The following EIF2AK4 variants were observed in gnomAD, a reference collection of about 807,000 sequenced individuals.
EIF2AK4 encodes the protein eIF-2-alpha kinase GCN2.
In EIF2AK4, 139 loss-of-function variants were observed where a neutral mutation model predicts 211.1. The ratio of observed to expected loss-of-function variants is 0.66; its 90% CI spans 0.57 to 0.76. EIF2AK4 has a LOEUF of 0.76. Ranked by LOEUF, EIF2AK4 falls within the 30% of genes least tolerant of loss-of-function variation. EIF2AK4 has a pLI of 0.00. For missense variants in EIF2AK4, 1,664 were observed against 2,043.8 expected (o/e 0.81, Z 3.58); for synonymous variants, 710 against 751.3 (o/e 0.94, Z 0.90).
At chr15:40,009,105 TTTTGG>T (rs752435616) in intron 25 of EIF2AK4, among the ~76,000 whole-genome samples, 1 of 144,478 alleles carries the variant, frequency 6.9e-6, no homozygotes, top group African/African-American at 2.6e-5. Context: ...TTTTGTTTTG[TTTTGG>T]AGACAGTGTC....
chr15:40,021,970 G>T (rs1233587768), intron 31 of EIF2AK4: 2 of 152,336 alleles, frequency 1.3e-5, no homozygotes, highest in Admixed American at 1.3e-4. Flanking sequence ...TGACAGAACA[G>T]TGTCCTCTTC....
At chr15:39,944,367 T>C (rs1459308223) in intron 3 of EIF2AK4, among the ~76,000 whole-genome samples, 1 of 151,838 alleles carries the variant, frequency 6.6e-6, no homozygotes, top group Non-Finnish European at 1.5e-5. Flanking sequence ...GTATAACGCT[T>C]CTTTGCCCCA....
chr15:39,970,944 A>T (rs2140915034), intron 9 of EIF2AK4, among the ~76,000 whole-genome samples: 1 of 152,278 alleles, frequency 6.6e-6, no homozygotes, highest in African/African-American at 2.4e-5. Flanking sequence ...GCTGCAACAT[A>T]AAAAAAAGTT....
chr15:40,023,200 CTGA>C (rs2035417894), intron 32 of EIF2AK4, among the ~76,000 whole-genome samples: 5 of 152,212 alleles, frequency 3.3e-5, no homozygotes, highest in African/African-American at 9.7e-5. Context: ...GTTGTATCTG[CTGA>C]TAGGCATATC....
At chr15:39,965,915 C>T (rs765944323) in intron 8 of EIF2AK4, 72 bp downstream of exon 8, 48 of 1,566,112 alleles carry the variant, frequency 3.1e-5, no homozygotes, top group Non-Finnish European at 3.7e-5. Context: ...AACAAAATAG[C>T]CCTGCATTTG....
intron 20 of EIF2AK4, 102 bp downstream of exon 20, chr15:39,998,886 G>A: frequency 1.0e-6 from 1 of 976,060 alleles, no homozygotes; most frequent in Non-Finnish European, 1.5e-6. Flanking sequence ...ATTCTCTTGT[G>A]TCCTGGGAAC....
chr15:39,942,029 A>G lies in EIF2AK4; in HGVS notation c.258-1354A>G, dbSNP rs150782653. The stretch of plus-strand genomic sequence containing the variant: ...TGAATTATATAGCAAGGAAATAAAG[A>G]GAACATTAGAATTTTTTTTGAAGTT... On this transcript the variant is annotated intron_variant, in intron 2 of 38. Coordinates refer to ENST00000263791, the MANE Select transcript of EIF2AK4 (RefSeq NM_001013703.4). Among the ~76,000 whole-genome samples the G allele has an allele frequency of 6.1e-3, 934 of 152,354 alleles. 32 individuals carry two copies. The highest frequency in any genetic ancestry group is 0.042 in the Admixed American group (650 of 15,308).
At position 40,034,403 on chromosome 15, in the gene EIF2AK4, A is replaced by G. The variant is rs144332775; in HGVS notation, c.4851A>G (p.Lys1617=). 1.0e-4 allele frequency: 161 copies of G among 1,614,120 alleles called. No homozygotes were observed. The African/African-American group carries it at 2.0e-3, about 20-fold the overall frequency. The change falls in exon 38 of 39, where the codon AAA becomes AAG. Residue 1617 remains lysine, a synonymous_variant. Transcript: ENST00000263791. The part of the protein sequence containing the change: ...LSRLPKQRYL[K]LVCDEIYNIK... ...GCCTGCCAAAGCAAAGATACCTCAA[A>G]TTAGTCTGTGATGAAATTTATAACA... is the stretch of plus-strand genomic sequence containing the variant.
intron 8 of EIF2AK4, among the ~76,000 whole-genome samples, chr15:39,966,464 G>A (rs2034545286): frequency 6.9e-6 from 1 of 144,082 alleles, no homozygotes; most frequent in Admixed American, 7.0e-5. Context: ...TCATGCCACT[G>A]AACTGCAACC....
At chr15:39,985,025 C>T (rs557152308) in intron 13 of EIF2AK4, among the ~76,000 whole-genome samples, 1 of 152,130 alleles carries the variant, frequency 6.6e-6, no homozygotes, top group Non-Finnish European at 1.5e-5. Flanking sequence ...AGATACGTTC[C>T]ATCAATACCT....
intron 1 of EIF2AK4, among the ~76,000 whole-genome samples, chr15:39,935,337 C>CT (rs374581386): frequency 0.093 from 13,448 of 144,852 alleles, 734 homozygotes; most frequent in Middle Eastern, 0.25. Flanking sequence ...ACTTCATCTG[C>CT]TTTTTTTTTT....
intron 33 of EIF2AK4, among the ~76,000 whole-genome samples, chr15:40,028,945 C>T (rs1400296365): frequency 6.6e-6 from 1 of 152,162 alleles, no homozygotes; most frequent in East Asian, 1.9e-4. Context: ...TAAATTAATT[C>T]ACAGCATTTG....
chr15:39,986,221 G>C (rs547278892), intron 14 of EIF2AK4, among the ~76,000 whole-genome samples: 1 of 152,312 alleles, frequency 6.6e-6, no homozygotes, highest in East Asian at 1.9e-4. Flanking sequence ...CATAATAGTA[G>C]TTCTTATAGA....
At chr15:40,034,972 T>C (rs2035595348) in intron 38 of EIF2AK4, 55 bp from the exon 39 acceptor site, 1 of 1,394,452 alleles carries the variant, frequency 7.2e-7, no homozygotes, top group Non-Finnish European at 9.7e-7. Flanking sequence ...TTATTAGCTC[T>C]GTTCTTCACT....
At chr15:39,993,080 C>CCATT (rs1566997382) in intron 18 of EIF2AK4, among the ~76,000 whole-genome samples, 10 of 140,352 alleles carry the variant, frequency 7.1e-5, no homozygotes, top group African/African-American at 2.2e-4. Context: ...ATCCATTCAT[C>CCATT]CATCCATCCA....
chr15:39,959,296 G>C (rs183458531), intron 6 of EIF2AK4, among the ~76,000 whole-genome samples: 36 of 152,284 alleles, frequency 2.4e-4, no homozygotes, highest in Middle Eastern at 3.4e-3. Context: ...TTCTTGATGG[G>C]TCCCAGGTAG....
At chr15:39,985,343 G>A (rs2034849838) in intron 13 of EIF2AK4, among the ~76,000 whole-genome samples, 1 of 152,072 alleles carries the variant, frequency 6.6e-6, no homozygotes, top group African/African-American at 2.4e-5. Flanking sequence ...ACAGGTTTTG[G>A]TATCAGGATG....
chr15:40,001,077 C>A lies in EIF2AK4; in HGVS notation c.3012C>A (p.Pro1004=), dbSNP rs746692998. 1 of 1,614,186 alleles carries A rather than the reference C, an allele frequency of 6.2e-7. No individual in the cohort carries two copies. Residue 1004 remains proline, a synonymous_variant, in exon 21 of 39, where the codon CCC becomes CCA. Transcript: ENST00000263791. ...TCAAGAGTGAGCTGCTGCCCCCACC[C>A]CAGATGGAGGAGTCAGAGCTGCATG... The part of the protein sequence containing the change: ...ELLKSELLPP[P]QMEESELHEV...
At chr15:40,008,969 G>A (rs2412462) in intron 25 of EIF2AK4, among the ~76,000 whole-genome samples, 140,504 of 152,274 alleles carry the variant, frequency 0.92, 65,009 homozygotes, top group Non-Finnish European at 0.95. Flanking sequence ...CTATTCCACT[G>A]GCCTGTGCTT....
Sources: allele counts gnomAD v4.1 joint callset (sites outside exome capture counted in the v4.1 genomes callset), GRCh38; gene constraint gnomAD v4.1.1; transcripts MANE v1.5; gene names NCBI Gene and HGNC (gene_info 2026-07-23, HGNC 2026-07-21).